The following PTCD1 variants were observed in gnomAD, a reference collection of about 807,000 sequenced individuals.
PTCD1 encodes the protein pentatricopeptide repeat-containing protein 1, mitochondrial.
A neutral mutation model predicts 53.4 loss-of-function variants in PTCD1; 50 were observed. The observed-to-expected ratio is 0.94, with a 90% CI of 0.75 to 1.19. The LOEUF is 1.19. Ranked by LOEUF, PTCD1 falls within the 50% of genes most tolerant of loss-of-function variation. The pLI, the probability that PTCD1 is intolerant of heterozygous loss-of-function variation, is 0.00. For synonymous variants in PTCD1, 413 were observed against 394.8 expected (o/e 1.05, Z -0.55); for missense variants, 918 against 904.8 (o/e 1.01, Z -0.19).
intron 3 of PTCD1, among the ~76,000 whole-genome samples, chr7:99,431,511 GC>G (rs1251742317): frequency 1.3e-5 from 2 of 152,198 alleles, no homozygotes; most frequent in Admixed American, 6.5e-5. Context: ...GGAGGCCAAG[GC>G]GGGTGGACCA....
At chr7:99,427,390 C>T (rs1326363357) in intron 5 of PTCD1, among the ~76,000 whole-genome samples, 6 of 142,674 alleles carry the variant, frequency 4.2e-5, no homozygotes, top group Middle Eastern at 4.2e-3. Flanking sequence ...CCGCCCCGTC[C>T]GGGAGGTGAG....
In PTCD1 at chr7:99,419,085, G is replaced by T; in HGVS notation, c.*882C>A. ...GTCTGCTCATCGCAGGGTCTGTCAT[G>T]CTCACTTAGCAGAATAACGAGACTC... On this transcript the variant is annotated 3_prime_UTR_variant, in exon 8 of 8. Transcript: ENST00000292478. 2.3e-6 allele frequency: 1 copy of T among 426,098 alleles called. No individual in the cohort carries two copies. Among genetic ancestry groups the T allele is most frequent in the Non-Finnish European group, 4.3e-6 (1 of 230,060 alleles). The allele number at this position is 426,098 out of a possible 1,614,324, so 26.4% of individuals were successfully genotyped here. A position where few individuals can be genotyped will look rare whatever the true frequency, so the allele number is the denominator to read the frequency against.
Position 99,417,359 on chromosome 7 carries a change from CT to C in PTCD1, c.*2607del. On this transcript the variant is annotated 3_prime_UTR_variant, in exon 8 of 8. Transcript: ENST00000292478. ...TGAGCCACTGCACCCGGCCTGAATG[CT>C]TTTTTTGATCAAGGGTGGGGAAGGT... 6 of 1,541,116 alleles carry C rather than the reference CT, an allele frequency of 3.9e-6. No individual in the cohort carries two copies. Among genetic ancestry groups the C allele is most frequent in the Admixed American group, 3.4e-5 (2 of 59,494 alleles).
chr7:99,420,260 A>G (rs533340945), intron 7 of PTCD1, 111 bp from the exon 8 acceptor site: 1 of 1,482,824 alleles, frequency 6.7e-7, no homozygotes, highest in East Asian at 2.3e-5. Flanking sequence ...TTTCCCTTCC[A>G]GGTGGCTGCA....
At chr7:99,434,594 CA>C (rs149310419) in intron 2 of PTCD1, among the ~76,000 whole-genome samples, 195 bp downstream of exon 2, 1,625 of 117,750 alleles carry the variant, frequency 0.014, 18 homozygotes, top group African/African-American at 0.022. Context: ...TCCGTCTCTA[CA>C]AAAAAAAAAA....
At chr7:99,426,865 G>A (rs1475121938) in intron 5 of PTCD1, among the ~76,000 whole-genome samples, 5 of 150,572 alleles carry the variant, frequency 3.3e-5, no homozygotes, top group African/African-American at 4.9e-5. Context: ...CTGCCCGGCC[G>A]CGACCCCGTC....
intron 5 of PTCD1, among the ~76,000 whole-genome samples, chr7:99,427,359 G>A (rs796750348): frequency 2.1e-5 from 3 of 142,996 alleles, no homozygotes; most frequent in African/African-American, 8.1e-5. Context: ...GAGGTGGGGG[G>A]TCAGCCCCCC....
chr7:99,438,756 TCTTC>T lies in PTCD1; in HGVS notation c.-95_-92del. The T allele has an allele frequency of 7.5e-7, 1 of 1,333,978 alleles. No homozygotes were observed. The highest frequency in any genetic ancestry group is 2.0e-4 in the Middle Eastern group (1 of 4,952). The allele number at this position is 1,333,978 out of a possible 1,614,324, so 82.6% of individuals were successfully genotyped here. ...GCCCGGTCCCCGCGGCGAACCAGTC[TCTTC>T]CTCGGGTCCCCCTCTCCCCAAGCGC... On this transcript the variant is annotated 5_prime_UTR_variant, in exon 1 of 8. Coordinates refer to ENST00000292478, the MANE Select transcript of PTCD1 (RefSeq NM_015545.4).
At position 99,427,074 on chromosome 7, in the gene PTCD1, G is replaced by A. The variant is rs561442646; in HGVS notation, c.916-1458C>T. 7.9e-3 allele frequency among the ~76,000 whole-genome samples: 1,198 copies of A among 151,436 alleles called. 17 individuals are homozygous for A. The highest frequency in any genetic ancestry group is 0.025 in the African/African-American group (1,040 of 41,264). ...TCTCCGCCCGGCAGCCACCCCGTCC[G>A]GGAGGGAGGTGGGGGTCAGCCCCCG... On this transcript the variant is annotated intron_variant, in intron 5 of 7. Transcript: ENST00000292478.
chr7:99,430,025 C>A (rs572566932), intron 3 of PTCD1, among the ~76,000 whole-genome samples: 18 of 152,326 alleles, frequency 1.2e-4, no homozygotes, highest in African/African-American at 2.6e-4. Flanking sequence ...ATGTACCAAA[C>A]AGGAGCTACC....
intron 1 of PTCD1, among the ~76,000 whole-genome samples, chr7:99,435,891 C>T (rs1429578363): frequency 2.7e-5 from 4 of 150,476 alleles, no homozygotes; most frequent in South Asian, 2.1e-4. Context: ...GCTGAGATCG[C>T]GCCACTGCAC....
chr7:99,425,652 C>T (rs1182546974), intron 5 of PTCD1, 36 bp from the exon 6 acceptor site: 2 of 1,583,834 alleles, frequency 1.3e-6, no homozygotes, highest in Non-Finnish European at 1.7e-6. Context: ...CTGGGTGCTC[C>T]CATTCAGCAG....
In PTCD1 at chr7:99,431,801, AAAG is replaced by A. The variant is rs1317848237; in HGVS notation, c.594+1474_594+1476del. Reference sequence around the variant, plus strand: ...TCAGACTGTTACTGTGTCTATGTAGAAAGAAGTAGACACAAGAAACTCCATTTT... The same window carrying A: ...TCAGACTGTTACTGTGTCTATGTAGAAAGTAGACACAAGAAACTCCATTTT... On this transcript the variant is annotated intron_variant, in intron 3 of 7. Coordinates refer to ENST00000292478, the MANE Select transcript of PTCD1 (RefSeq NM_015545.4). Among the ~76,000 whole-genome samples, 18 of 152,296 alleles carry A rather than the reference AAAG, an allele frequency of 1.2e-4. No homozygotes were observed. In the South Asian group the frequency reaches 3.5e-3, roughly 30 times the overall value.
chr7:99,438,320 G>A lies in PTCD1; in HGVS notation c.-27+372C>T, dbSNP rs566514804. On this transcript the variant is annotated intron_variant, in intron 1 of 7. Coordinates refer to ENST00000292478, the MANE Select transcript of PTCD1 (RefSeq NM_015545.4). ...ATTAAAAATAAAATTTTAAAAATTA[G>A]CCAAGTGTGGTGGTGCAGCGTCTGT... Among the ~76,000 whole-genome samples the A allele has an allele frequency of 4.4e-5, 6 of 135,988 alleles. No individual in the cohort carries two copies. The South Asian group carries it at 1.4e-3, about 32-fold the overall frequency. 89.2% of individuals were successfully genotyped at this position (135,988 alleles called of 152,430 possible).
intron 7 of PTCD1, among the ~76,000 whole-genome samples, chr7:99,420,781 A>C (rs1795773300): frequency 6.6e-6 from 1 of 151,998 alleles, no homozygotes; most frequent in African/African-American, 2.4e-5. Flanking sequence ...GCATGGTGAA[A>C]CTCCATCTCT....
chr7:99,433,030 G>C, intron 3 of PTCD1: 4 of 584,416 alleles, frequency 6.8e-6, no homozygotes, highest in Non-Finnish European at 1.2e-5. Context: ...GACAGAGTGA[G>C]GCTCCCTCTG....
chr7:99,424,003 G>A, intron 6 of PTCD1, 46 bp from the exon 7 acceptor site: 1 of 1,598,016 alleles, frequency 6.3e-7, no homozygotes, highest in Non-Finnish European at 8.5e-7. Context: ...GCAGCCATTG[G>A]GACCCAGCAG....
In PTCD1 at chr7:99,435,366, C is replaced by T. The variant is rs182798695; in HGVS notation, c.-26-98G>A. The stretch of plus-strand genomic sequence containing the variant: ...TACAAGTATGGGCCCAGGCCAGGCG[C>T]GGTGGCTCATGCCTGTAATCCCAGC... On this transcript the variant is annotated intron_variant, in intron 1 of 7. Transcript: ENST00000292478. The T allele has an allele frequency of 1.5e-4, 222 of 1,484,188 alleles. No homozygotes were observed. In the African/African-American group the frequency reaches 2.3e-3, roughly 15 times the overall value. The allele number at this position is 1,484,188 out of a possible 1,614,324, so 91.9% of individuals were successfully genotyped here.
intron 7 of PTCD1, among the ~76,000 whole-genome samples, 171 bp from the exon 8 acceptor site, chr7:99,420,320 T>G (rs186335383): frequency 6.6e-6 from 1 of 152,242 alleles, no homozygotes; most frequent in East Asian, 1.9e-4. Flanking sequence ...CTAGCTTACT[T>G]CAGAGAAACA....
Sources: allele counts gnomAD v4.1 joint callset (sites outside exome capture counted in the v4.1 genomes callset), GRCh38; gene constraint gnomAD v4.1.1; transcripts MANE v1.5; gene names NCBI Gene and HGNC (gene_info 2026-07-23, HGNC 2026-07-21).